SVOPL: variants seen among roughly 807,000 people sequenced by gnomAD.
SVOPL encodes putative transporter SVOPL.
SVOPL carries 60 observed loss-of-function variants against 61.0 expected under a neutral mutation model. The observed-to-expected ratio is 0.98, with a 90% CI of 0.80 to 1.22. The LOEUF (loss-of-function observed/expected upper bound fraction) is 1.22. SVOPL is among the 50% of genes most tolerant of loss of function. SVOPL has a pLI of 0.00. For missense variants in SVOPL, 662 were observed against 643.9 expected (o/e 1.03, Z -0.30); for synonymous variants, 279 against 250.0 (o/e 1.12, Z -1.09).
intron 7 of SVOPL, among the ~76,000 whole-genome samples, chr7:138,654,777 G>A (rs1801628649): frequency 1.3e-5 from 2 of 151,632 alleles, no homozygotes. Context: ...CAGGAGAATA[G>A]CCATGAGTTT....
chr7:138,698,489 G>A (rs932047416), intron 1 of SVOPL, among the ~76,000 whole-genome samples: 8 of 152,196 alleles, frequency 5.3e-5, no homozygotes, highest in Admixed American at 1.3e-4. Flanking sequence ...ATTGAAAGAC[G>A]GAAACTTTGG....
chr7:138,657,136 T>G (rs1055568205), intron 6 of SVOPL, among the ~76,000 whole-genome samples: 1 of 70,408 alleles, frequency 1.4e-5, no homozygotes, highest in Admixed American at 1.2e-4. Flanking sequence ...TCTTATTTGT[T>G]TATTTATTTA....
intron 4 of SVOPL, among the ~76,000 whole-genome samples, chr7:138,665,740 A>G (rs1802236904): frequency 6.6e-6 from 1 of 152,186 alleles, no homozygotes; most frequent in Admixed American, 6.5e-5. Flanking sequence ...ACTGGGGTAC[A>G]GATCAGTTAG....
chr7:138,601,443 G>A (rs1462851784), intron 14 of SVOPL, among the ~76,000 whole-genome samples: 3 of 151,798 alleles, frequency 2.0e-5, no homozygotes, highest in Non-Finnish European at 4.4e-5. Flanking sequence ...AGGAGGAAAT[G>A]CCATTTGCAA....
chr7:138,626,192 C>T, intron 12 of SVOPL, 142 bp from the exon 13 acceptor site: 2 of 767,964 alleles, frequency 2.6e-6, no homozygotes, highest in Non-Finnish European at 4.2e-6. Flanking sequence ...TCTCAGCTGG[C>T]CTGATTGTGG....
chr7:138,599,439 A>T (rs971204596), intron 14 of SVOPL, among the ~76,000 whole-genome samples: 1 of 152,190 alleles, frequency 6.6e-6, no homozygotes, highest in Non-Finnish European at 1.5e-5. Context: ...TTGGTTTATT[A>T]TAACAGGGAA....
intron 1 of SVOPL, among the ~76,000 whole-genome samples, chr7:138,684,587 C>T (rs1421217286): frequency 2.0e-5 from 3 of 152,038 alleles, no homozygotes; most frequent in South Asian, 2.1e-4. Flanking sequence ...CTTGTTAGGA[C>T]GGCGATTATC....
intron 4 of SVOPL, among the ~76,000 whole-genome samples, chr7:138,665,119 C>T (rs1481791052): frequency 2.4e-5 from 1 of 41,126 alleles, no homozygotes; most frequent in East Asian, 5.0e-4. Context: ...CGCCCCCACT[C>T]GCCACCTCCC....
chr7:138,654,688 A>G (rs942157506), intron 7 of SVOPL, among the ~76,000 whole-genome samples: 8 of 151,850 alleles, frequency 5.3e-5, no homozygotes, highest in Non-Finnish European at 8.8e-5. Flanking sequence ...CTTCTCGGAA[A>G]AAAAGGTTTT....
chr7:138,605,055 AAG>A (rs1467660444), intron 14 of SVOPL, among the ~76,000 whole-genome samples: 1 of 151,992 alleles, frequency 6.6e-6, no homozygotes, highest in African/African-American at 2.4e-5. Context: ...AGCTCTAAAA[AAG>A]AGAAAAAAAT....
intron 1 of SVOPL, among the ~76,000 whole-genome samples, chr7:138,698,903 C>A (rs1448920287): frequency 6.6e-6 from 1 of 152,144 alleles, no homozygotes; most frequent in Non-Finnish European, 1.5e-5. Flanking sequence ...GTAATCCCAG[C>A]ACTTTGGGAG....
chr7:138,625,388 C>T (rs1799847674), intron 13 of SVOPL, among the ~76,000 whole-genome samples: 1 of 152,090 alleles, frequency 6.6e-6, no homozygotes, highest in Admixed American at 6.6e-5. Context: ...ATGACAAAAC[C>T]AGTTAAAATA....
At chr7:138,660,249 T>A in intron 5 of SVOPL, 1 of 1,174,278 alleles carries the variant, frequency 8.5e-7, no homozygotes, top group Non-Finnish European at 1.1e-6. Flanking sequence ...GGCAGGTCCC[T>A]GAACTTGGAC....
rs936600783 is a variant in SVOPL at position 138,661,785 on chromosome 7, A to T, written c.345+1289T>A. Reference sequence around the variant, plus strand: ...TTGTAACTGCTGCTAATCGGAGCATATATTCAGGGCAACTGGACTGTATGA... The same window carrying T: ...TTGTAACTGCTGCTAATCGGAGCATTTATTCAGGGCAACTGGACTGTATGA... On this transcript the variant is annotated intron_variant, in intron 5 of 15. Coordinates refer to ENST00000674285, the MANE Select transcript of SVOPL (RefSeq NM_001139456.2). 6 of 923,112 alleles carry T rather than the reference A, an allele frequency of 6.5e-6. No individual in the cohort carries two copies. The African/African-American group carries it at 1.1e-4, about 17-fold the overall frequency. The allele number at this position is 923,112 out of a possible 1,614,324, so 57.2% of individuals were successfully genotyped here.
intron 14 of SVOPL, among the ~76,000 whole-genome samples, chr7:138,599,158 C>CAAAAAA: frequency 9.9e-6 from 1 of 100,860 alleles, no homozygotes; most frequent in Non-Finnish European, 2.0e-5. Context: ...AAAAAAAAAA[C>CAAAAAA]CAAAAAAAAA....
In SVOPL at chr7:138,683,528, C is replaced by T. The variant is rs1359892930; in HGVS notation, c.-34-4449G>A. 3.3e-5 allele frequency among the ~76,000 whole-genome samples: 5 copies of T among 151,934 alleles called. No homozygotes were observed. In the South Asian group the frequency reaches 6.2e-4, roughly 19 times the overall value. On this transcript the variant is annotated intron_variant, in intron 1 of 15. Coordinates refer to ENST00000674285, the MANE Select transcript of SVOPL (RefSeq NM_001139456.2). ...GATTATAGGTGCCCTCCACCATGCCCGAATAATTTTTGTATTTTTAGTAGA... is the reference window on the plus strand; with the variant it reads ...GATTATAGGTGCCCTCCACCATGCCTGAATAATTTTTGTATTTTTAGTAGA...
chr7:138,644,734 G>A lies in SVOPL; in HGVS notation c.772C>T (p.Leu258=). 8 of 1,614,158 alleles carry A rather than the reference G, an allele frequency of 5.0e-6. No individual in the cohort carries two copies. The highest frequency in any genetic ancestry group is 5.9e-6 in the Non-Finnish European group (7 of 1,180,024). Residue 258 remains leucine, a synonymous_variant, in exon 9 of 16, where the codon CTG becomes TTG. Transcript: ENST00000674285. ...GCACTCACCAGGACGGGCTCCACCAGCTTCCCCTCCGGCATGACCGAGCGG... is the reference window on the plus strand; with the variant it reads ...GCACTCACCAGGACGGGCTCCACCAACTTCCCCTCCGGCATGACCGAGCGG... ...MNRSVMPEGK[L]VEPVLEKRGR...
chr7:138,643,569 T>A (rs892923805), intron 9 of SVOPL, among the ~76,000 whole-genome samples: 1 of 152,142 alleles, frequency 6.6e-6, no homozygotes, highest in Non-Finnish European at 1.5e-5. Flanking sequence ...CAATGAAATA[T>A]TATTCAGCCT....
At chr7:138,700,679 A>AGGATGGATGGATGGATGGAT (rs35740951) in intron 1 of SVOPL, among the ~76,000 whole-genome samples, 5 of 148,822 alleles carry the variant, frequency 3.4e-5, no homozygotes, top group East Asian at 2.0e-4. Flanking sequence ...ACCCAGTAAG[A>AGGATGGATGGATGGATGGAT]GGATGGATGG....
Sources: gnomAD v4.1 joint callset for allele counts (sites outside exome capture counted in the v4.1 genomes callset) on GRCh38, gnomAD v4.1.1 for gene constraint, MANE v1.5 for transcripts, NCBI Gene and HGNC (gene_info 2026-07-23, HGNC 2026-07-21) for gene names.